The following FGGY variants were observed in gnomAD, a reference collection of about 807,000 sequenced individuals.
FGGY encodes FGGY carbohydrate kinase domain-containing protein.
Under a neutral mutation model 71.3 loss-of-function variants are expected in FGGY, and 72 were observed. The observed-to-expected ratio is 1.01, with a 90% CI of 0.84 to 1.23. The LOEUF is 1.23. Ranked by LOEUF, FGGY falls within the 50% of genes most tolerant of loss-of-function variation. The pLI, the probability that FGGY is intolerant of heterozygous loss-of-function variation, is 0.00. For missense variants in FGGY, 668 were observed against 682.3 expected (o/e 0.98, Z 0.23); for synonymous variants, 251 against 250.3 (o/e 1.00, Z -0.02).
chr1:59,538,940 G>A (rs868131039), intron 7 of FGGY, among the ~76,000 whole-genome samples: 40 of 151,898 alleles, frequency 2.6e-4, no homozygotes, highest in African/African-American at 7.5e-4. Context: ...GCACGTATAT[G>A]CATATGTAAC....
chr1:59,436,427 T>A (rs1042849787), intron 5 of FGGY, among the ~76,000 whole-genome samples: 1 of 152,162 alleles, frequency 6.6e-6, no homozygotes, highest in Admixed American at 6.5e-5. Context: ...TGGTTGTAAC[T>A]CTATAGTTAT....
chr1:59,554,940 G>C (rs560341255), intron 8 of FGGY, among the ~76,000 whole-genome samples: 2 of 152,216 alleles, frequency 1.3e-5, no homozygotes, highest in Non-Finnish European at 2.9e-5. Context: ...ATAGAGGGCA[G>C]AGTGGGGGAG....
intron 5 of FGGY, among the ~76,000 whole-genome samples, chr1:59,381,839 A>G (rs761940303): frequency 1.3e-5 from 2 of 152,342 alleles, no homozygotes; most frequent in South Asian, 2.1e-4. Context: ...TAAGTTATGA[A>G]TGTTAAAAAT....
intron 7 of FGGY, among the ~76,000 whole-genome samples, chr1:59,535,785 G>A (rs1404013046): frequency 1.3e-5 from 2 of 149,060 alleles, no homozygotes; most frequent in Non-Finnish European, 3.0e-5. Context: ...TGAAACCAAC[G>A]AGAACAAAGA....
chr1:59,498,280 G>T (rs534294374), intron 6 of FGGY, among the ~76,000 whole-genome samples: 8 of 152,318 alleles, frequency 5.3e-5, no homozygotes, highest in African/African-American at 1.9e-4. Context: ...ACTCAGAAGA[G>T]AGGCCATCGT....
intron 7 of FGGY, among the ~76,000 whole-genome samples, chr1:59,538,399 C>A (rs1216925830): frequency 2.0e-5 from 3 of 151,988 alleles, no homozygotes; most frequent in Non-Finnish European, 4.4e-5. Context: ...GTTGGTGGGA[C>A]TGTAAACTAG....
chr1:59,505,266 G>C (rs1032327871), intron 6 of FGGY, among the ~76,000 whole-genome samples: 1 of 152,134 alleles, frequency 6.6e-6, no homozygotes, highest in African/African-American at 2.4e-5. Context: ...TTGAGCGTAG[G>C]GGCCTTAACT....
chr1:59,623,179 A>G (rs941433937), intron 9 of FGGY, among the ~76,000 whole-genome samples: 3 of 152,108 alleles, frequency 2.0e-5, no homozygotes, highest in African/African-American at 7.2e-5. Context: ...TGCATTTCCT[A>G]TTCTCCATGC....
At chr1:59,517,442 T>A (rs1024201760) in intron 7 of FGGY, among the ~76,000 whole-genome samples, 1 of 151,722 alleles carries the variant, frequency 6.6e-6, no homozygotes, top group Non-Finnish European at 1.5e-5. Context: ...ATTTTTTGTA[T>A]TTTTAGTAGA....
chr1:59,580,650 ATGT>A (rs1228778480), intron 8 of FGGY, among the ~76,000 whole-genome samples: 1 of 152,186 alleles, frequency 6.6e-6, no homozygotes, highest in African/African-American at 2.4e-5. Flanking sequence ...GGTCCTTCTC[ATGT>A]TGTAGAATTG....
At chr1:59,554,799 C>G (rs1162456382) in intron 8 of FGGY, among the ~76,000 whole-genome samples, 1 of 152,190 alleles carries the variant, frequency 6.6e-6, no homozygotes, top group East Asian at 1.9e-4. Flanking sequence ...AAATTTATAT[C>G]TTCTTTAAAT....
At position 59,307,697 on chromosome 1, in the gene FGGY, T is replaced by C. The variant is rs542168946; in HGVS notation, c.-15+10547T>C. 3.3e-5 allele frequency among the ~76,000 whole-genome samples: 5 copies of C among 152,316 alleles called. No individual in the cohort carries two copies. In the South Asian group the frequency reaches 1.0e-3, roughly 32 times the overall value. On this transcript the variant is annotated intron_variant, in intron 1 of 15. Transcript: ENST00000303721. ...AATATAAGTAAGTCTAAAAAGCATT[T>C]GGATTCATGTGAAGCTACATATTGA...
At chr1:59,536,360 C>T (rs1231193412) in intron 7 of FGGY, among the ~76,000 whole-genome samples, 2 of 152,134 alleles carry the variant, frequency 1.3e-5, no homozygotes, top group East Asian at 3.8e-4. Flanking sequence ...CAAAAAAAGT[C>T]CAGGACCAGA....
At chr1:59,495,003 C>T (rs908115488) in intron 6 of FGGY, among the ~76,000 whole-genome samples, 1 of 152,158 alleles carries the variant, frequency 6.6e-6, no homozygotes, top group Non-Finnish European at 1.5e-5. Context: ...TCCACAACCT[C>T]ACCAGTATCT....
chr1:59,746,506 G>A (rs1188042519), intron 14 of FGGY, among the ~76,000 whole-genome samples: 1 of 150,860 alleles, frequency 6.6e-6, no homozygotes, highest in East Asian at 1.9e-4. Flanking sequence ...CCCTTTTTTT[G>A]AGACAGCATC....
intron 2 of FGGY, among the ~76,000 whole-genome samples, chr1:59,323,839 G>A (rs2046841509): frequency 6.6e-6 from 1 of 152,160 alleles, no homozygotes; most frequent in Non-Finnish European, 1.5e-5. Context: ...TGGTGCTGAT[G>A]GTGACAGAAA....
intron 14 of FGGY, among the ~76,000 whole-genome samples, chr1:59,680,063 G>A (rs1422215053): frequency 6.6e-6 from 1 of 151,988 alleles, no homozygotes; most frequent in Non-Finnish European, 1.5e-5. Flanking sequence ...GAAAACTCAG[G>A]GTTTACATTT....
In FGGY at chr1:59,457,444, T is replaced by A. The variant is rs2091819978; in HGVS notation, c.670+368T>A. The stretch of plus-strand genomic sequence containing the variant: ...GGGCAACATGGTAAAACCCCATTTC[T>A]ACAAGAAAAATACAAATGTTAGCCT... On this transcript the variant is annotated intron_variant, in intron 6 of 15. Coordinates refer to ENST00000303721, the MANE Select transcript of FGGY (RefSeq NM_018291.5). 2.0e-5 allele frequency among the ~76,000 whole-genome samples: 3 copies of A among 152,140 alleles called. No homozygotes were observed. The South Asian group carries it at 6.2e-4, about 32-fold the overall frequency.
chr1:59,686,130 G>C (rs1206166020), intron 14 of FGGY, among the ~76,000 whole-genome samples: 1 of 152,180 alleles, frequency 6.6e-6, no homozygotes, highest in Non-Finnish European at 1.5e-5. Context: ...GATAGGCTGG[G>C]TTTATAGCTT....
Sources: gnomAD v4.1 joint callset for allele counts (sites outside exome capture counted in the v4.1 genomes callset) on GRCh38, gnomAD v4.1.1 for gene constraint, MANE v1.5 for transcripts, NCBI Gene and HGNC (gene_info 2026-07-23, HGNC 2026-07-21) for gene names.